Variants in PDE4B observed in about 807,000 individuals in gnomAD.
The protein encoded by PDE4B is phosphodiesterase 4B, also known as 3',5'-cyclic-AMP phosphodiesterase 4B.
In PDE4B, 20 loss-of-function variants were observed where a neutral mutation model predicts 82.2. The observed-to-expected ratio is 0.24, with a 90% CI of 0.17 to 0.35. The LOEUF (loss-of-function observed/expected upper bound fraction) is 0.35. Ranked by LOEUF, PDE4B falls within the 10% of genes least tolerant of loss-of-function variation. PDE4B has a pLI of 1.00. For synonymous variants in PDE4B, 320 were observed against 318.9 expected, an observed-to-expected ratio of 1.00 and a Z score of -0.04; for missense variants, 655 against 907.2, an observed-to-expected ratio of 0.72 and a Z score of 3.57.
intron 1 of PDE4B, among the ~76,000 whole-genome samples, chr1:65,887,215 TTTC>T (rs1571071117): frequency 2.2e-4 from 4 of 18,484 alleles, no homozygotes; most frequent in South Asian, 1.8e-3. Context: ...TCTTTCTTTC[TTTC>T]TTTCTTTCTT....
chr1:66,046,006 T>G (rs1234659064), intron 3 of PDE4B, among the ~76,000 whole-genome samples: 1 of 151,262 alleles, frequency 6.6e-6, no homozygotes, highest in Non-Finnish European at 1.5e-5. Context: ...GCTTTTGGAG[T>G]GTGTTTATTT....
Position 66,201,660 on chromosome 1 carries a change from T to C in PDE4B, c.282-45800T>C, listed in dbSNP as rs982583137. 4.0e-5 allele frequency among the ~76,000 whole-genome samples: 6 copies of C among 150,126 alleles called. No individual in the cohort carries two copies. The Admixed American group carries it at 4.0e-4, about 10-fold the overall frequency. ...AGGTGTTTGTAGTATTCTCTGATGG[T>C]AGTTGGTATTTCTGTGGGATCTGTG... is the stretch of plus-strand genomic sequence containing the variant. On this transcript the variant is annotated intron_variant, in intron 3 of 16. Coordinates refer to ENST00000341517, the MANE Select transcript of PDE4B (RefSeq NM_002600.4).
chr1:65,993,027 A>G (rs1651332064), intron 3 of PDE4B: 1 of 1,613,978 alleles, frequency 6.2e-7, no homozygotes, highest in South Asian at 1.1e-5. Flanking sequence ...AAACAGACCT[A>G]CATCTCCTAA....
At chr1:65,978,968 C>A (rs1650550656) in intron 3 of PDE4B, among the ~76,000 whole-genome samples, 1 of 152,142 alleles carries the variant, frequency 6.6e-6, no homozygotes, top group South Asian at 2.1e-4. Flanking sequence ...TTTTGGCCGT[C>A]CAACTCATTT....
chr1:66,084,304 G>A (rs571724985), intron 3 of PDE4B, among the ~76,000 whole-genome samples: 4 of 152,200 alleles, frequency 2.6e-5, no homozygotes, highest in Non-Finnish European at 5.9e-5. Context: ...AAAATGTATT[G>A]TTCAGAAGAT....
intron 16 of PDE4B, among the ~76,000 whole-genome samples, chr1:66,371,133 T>TATATATATAA (rs1223854748): frequency 7.9e-6 from 1 of 127,106 alleles, no homozygotes; most frequent in Non-Finnish European, 1.6e-5. Context: ...TATATATATA[T>TATATATATAA]AATTTTATTT....
At chr1:66,134,530 T>C (rs778450495) in intron 3 of PDE4B, among the ~76,000 whole-genome samples, 5 of 152,216 alleles carry the variant, frequency 3.3e-5, no homozygotes, top group Admixed American at 2.6e-4. Flanking sequence ...AAGGGTACCA[T>C]TGTGGCTTGT....
intron 3 of PDE4B, among the ~76,000 whole-genome samples, chr1:66,124,802 G>A (rs960228911): frequency 3.3e-5 from 5 of 152,124 alleles, no homozygotes; most frequent in Admixed American, 6.5e-5. Flanking sequence ...TTCTCCTTGT[G>A]TTTGCGTGGG....
chr1:65,886,478 C>T (rs761277360), intron 1 of PDE4B, among the ~76,000 whole-genome samples: 44 of 152,094 alleles, frequency 2.9e-4, no homozygotes, highest in Non-Finnish European at 6.0e-4. Flanking sequence ...AGAACTTATT[C>T]CTTCTATCTA....
intron 7 of PDE4B, among the ~76,000 whole-genome samples, chr1:66,296,546 T>C (rs751570598): frequency 1.4e-4 from 21 of 152,176 alleles, no homozygotes; most frequent in Non-Finnish European, 2.6e-4. Context: ...ACCTTAGGCA[T>C]GTTACTTAAT....
intron 3 of PDE4B, among the ~76,000 whole-genome samples, chr1:66,099,919 TCTTA>T (rs1000435699): frequency 3.3e-5 from 5 of 152,170 alleles, no homozygotes; most frequent in Admixed American, 2.6e-4. Context: ...CTCTCATGTT[TCTTA>T]CTTAATTCAA....
Position 66,372,318 on chromosome 1 carries a change from T to C in PDE4B, c.1851T>C (p.Gly617=). The C allele has an allele frequency of 6.2e-7, 1 of 1,600,910 alleles. No homozygotes were observed. Among genetic ancestry groups the C allele is most frequent in the South Asian group, 1.1e-5 (1 of 90,538 alleles). The change falls in exon 17 of 17, where the codon GGT becomes GGC. Residue 617 remains glycine, a synonymous_variant. Coordinates refer to ENST00000341517, the MANE Select transcript of PDE4B (RefSeq NM_002600.4). ...GTCATCTTATTTTTCTCCAGGTTGGTTTCATCGACTACATTGTCCATCCAT... is the reference window on the plus strand; with the variant it reads ...GTCATCTTATTTTTCTCCAGGTTGGCTTCATCGACTACATTGTCCATCCAT... The part of the protein sequence containing the change: ...HTASVEKSQV[G]FIDYIVHPLW...
chr1:66,328,990 G>A (rs900765072), intron 7 of PDE4B, among the ~76,000 whole-genome samples: 1 of 152,160 alleles, frequency 6.6e-6, no homozygotes, highest in Non-Finnish European at 1.5e-5. Flanking sequence ...CTGTGGATAG[G>A]GGCTTGGGGA....
At chr1:66,356,610 G>A (rs906930543) in intron 9 of PDE4B, among the ~76,000 whole-genome samples, 9 of 152,170 alleles carry the variant, frequency 5.9e-5, no homozygotes, top group African/African-American at 2.2e-4. Flanking sequence ...AAATCAATGA[G>A]CATTTTCCTT....
chr1:66,354,704 T>G, intron 8 of PDE4B: 1 of 1,433,430 alleles, frequency 7.0e-7, no homozygotes, highest in Non-Finnish European at 9.1e-7. Flanking sequence ...TGCCATACAT[T>G]TTGGAGGTTT....
chr1:65,856,699 A>T (rs1256389720), intron 1 of PDE4B, among the ~76,000 whole-genome samples: 1 of 152,212 alleles, frequency 6.6e-6, no homozygotes, highest in Non-Finnish European at 1.5e-5. Flanking sequence ...TATACTCAGT[A>T]AGGGGATTGC....
intron 1 of PDE4B, among the ~76,000 whole-genome samples, chr1:65,878,091 A>G (rs780804374): frequency 2.0e-5 from 3 of 152,156 alleles, no homozygotes; most frequent in Non-Finnish European, 4.4e-5. Flanking sequence ...ACAGACATTT[A>G]TCAAAAGAAG....
At chr1:66,248,686 A>G (rs1263206686) in intron 4 of PDE4B, among the ~76,000 whole-genome samples, 1 of 152,226 alleles carries the variant, frequency 6.6e-6, no homozygotes, top group African/African-American at 2.4e-5. Context: ...AGACAAACAA[A>G]ACAGTGTAAA....
rs57327589 is a variant in PDE4B, at chr1:65,825,705, CCTATCTATCTATCTAT to C, written c.-71+32496_-71+32511del. On this transcript the variant is annotated intron_variant, in intron 1 of 16. Coordinates refer to ENST00000341517, the MANE Select transcript of PDE4B (RefSeq NM_002600.4). ...TAAAAAAAAATTAAAAACAAAATTA[CCTATCTATCTATCTAT>C]CTATCTATCTATCTATCTATCTATC... Among the ~76,000 whole-genome samples, 199 of 107,446 alleles carry C rather than the reference CCTATCTATCTATCTAT, an allele frequency of 1.9e-3. 4 individuals carry two copies. In the East Asian group the frequency reaches 0.026, roughly 14 times the overall value. 70.5% of individuals were successfully genotyped at this position (107,446 alleles called of 152,430 possible). A position where few individuals can be genotyped will look rare whatever the true frequency, so the allele number is the denominator to read the frequency against.
Sources: gnomAD v4.1 joint callset for allele counts (sites outside exome capture counted in the v4.1 genomes callset) on GRCh38, gnomAD v4.1.1 for gene constraint, MANE v1.5 for transcripts, NCBI Gene and HGNC (gene_info 2026-07-23, HGNC 2026-07-21) for gene names.